MAP2K6: variants seen among roughly 807,000 people sequenced by gnomAD.
The protein encoded by MAP2K6 is mitogen-activated protein kinase kinase 6.
Under a neutral mutation model 53.7 loss-of-function variants are expected in MAP2K6, and 16 were observed. The observed-to-expected ratio is 0.30, with a 90% CI of 0.20 to 0.45. The LOEUF (loss-of-function observed/expected upper bound fraction) is 0.45, where lower values mean the gene tolerates loss of function less well. Ranked by LOEUF, MAP2K6 falls within the 20% of genes least tolerant of loss-of-function variation. The pLI is 1.00. For synonymous variants in MAP2K6, 132 were observed against 143.1 expected, an observed-to-expected ratio of 0.92 and a Z score of 0.55; for missense variants, 204 against 411.9, an observed-to-expected ratio of 0.50 and a Z score of 4.37.
intron 1 of MAP2K6, among the ~76,000 whole-genome samples, chr17:69,465,248 C>A (rs1171473278): frequency 6.6e-6 from 1 of 151,276 alleles, no homozygotes; most frequent in Non-Finnish European, 1.5e-5. Context: ...GTTGGGTTAA[C>A]TGAAATGACT....
chr17:69,496,472 G>A (rs1908956762), intron 1 of MAP2K6, among the ~76,000 whole-genome samples: 1 of 151,354 alleles, frequency 6.6e-6, no homozygotes, highest in Admixed American at 6.6e-5. Context: ...GGGTTCCAGC[G>A]ATTCTCCCGC....
Position 69,552,381 on chromosome 17 carries a change from A to C in MAP2K6, c.*10628A>C, listed in dbSNP as rs1202205251. ...AGTTTAAAATAAAAGAATGAATGCT[A>C]TTCAGTGGATTCCCTCATTGAGGCT... On this transcript the variant is annotated 3_prime_UTR_variant, in exon 12 of 12. Transcript: ENST00000590474. 6.6e-6 allele frequency: 1 copy of C among 152,220 alleles called. No individual in the cohort carries two copies. Among genetic ancestry groups the C allele is most frequent in the Non-Finnish European group, 1.5e-5 (1 of 68,048 alleles). The allele number at this position is 152,220 out of a possible 1,614,324, so 9.4% of individuals were successfully genotyped here. A position where few individuals can be genotyped will look rare whatever the true frequency, so the allele number is the denominator to read the frequency against.
chr17:69,462,289 C>T (rs576274142), intron 1 of MAP2K6, among the ~76,000 whole-genome samples: 2 of 152,188 alleles, frequency 1.3e-5, no homozygotes, highest in South Asian at 2.1e-4. Flanking sequence ...ATTGGTGGCA[C>T]GTACATTATT....
intron 2 of MAP2K6, among the ~76,000 whole-genome samples, chr17:69,510,812 T>C (rs925132583): frequency 1.1e-4 from 17 of 151,854 alleles, no homozygotes; most frequent in Non-Finnish European, 2.2e-4. Flanking sequence ...TTTTTTTTTT[T>C]CCCTGATACT....
intron 1 of MAP2K6, among the ~76,000 whole-genome samples, chr17:69,476,719 G>T (rs1908162984): frequency 6.6e-6 from 1 of 152,070 alleles, no homozygotes; most frequent in Non-Finnish European, 1.5e-5. Flanking sequence ...TCCTTTTTGG[G>T]GTGGAAGTGG....
Position 69,541,821 on chromosome 17 carries a change from A to G in MAP2K6, c.*68A>G. The G allele has an allele frequency of 8.9e-7, 1 of 1,123,446 alleles. No homozygotes were observed. The highest frequency in any genetic ancestry group is 1.3e-6 in the Non-Finnish European group (1 of 749,426). 69.6% of individuals were successfully genotyped at this position (1,123,446 alleles called of 1,614,324 possible). ...GGTTTCGGGGTGAAGCAAGTTCACT[A>G]CAGCATCAATAGAAAGTCATCTTTG... On this transcript the variant is annotated 3_prime_UTR_variant, in exon 12 of 12. Transcript: ENST00000590474.
chr17:69,523,994 C>T (rs1910631398), intron 8 of MAP2K6, among the ~76,000 whole-genome samples: 1 of 152,128 alleles, frequency 6.6e-6, no homozygotes, highest in African/African-American at 2.4e-5. Flanking sequence ...TAGCACCTTC[C>T]TGCTTAGTCC....
chr17:69,501,536 A>G (rs1426801075), intron 1 of MAP2K6, among the ~76,000 whole-genome samples: 1 of 152,092 alleles, frequency 6.6e-6, no homozygotes, highest in Non-Finnish European at 1.5e-5. Flanking sequence ...ATTTTGCTCC[A>G]GGCCAGGATT....
At chr17:69,448,982 A>G (rs1276405147) in intron 1 of MAP2K6, among the ~76,000 whole-genome samples, 3 of 152,206 alleles carry the variant, frequency 2.0e-5, no homozygotes, top group Non-Finnish European at 2.9e-5. Flanking sequence ...GTTAAGGGCA[A>G]AGGCCGGCAC....
intron 1 of MAP2K6, chr17:69,477,690 A>G (rs1908199776): frequency 1.3e-5 from 2 of 152,292 alleles, no homozygotes; most frequent in African/African-American, 4.8e-5. Flanking sequence ...ATCTAGTTGT[A>G]ATACTTTGGT....
intron 2 of MAP2K6, among the ~76,000 whole-genome samples, chr17:69,513,567 G>A (rs918794774): frequency 1.3e-5 from 2 of 152,114 alleles, no homozygotes; most frequent in Non-Finnish European, 2.9e-5. Context: ...AAACTTTTTT[G>A]TAAAAGGCCG....
intron 8 of MAP2K6, among the ~76,000 whole-genome samples, chr17:69,524,445 A>G (rs1401636239): frequency 6.6e-6 from 1 of 150,660 alleles, no homozygotes; most frequent in East Asian, 1.9e-4. Context: ...CGGCCACTAG[A>G]TTCTACCTGG....
intron 1 of MAP2K6, among the ~76,000 whole-genome samples, chr17:69,448,999 G>C (rs1051659350): frequency 1.3e-5 from 2 of 152,224 alleles, no homozygotes; most frequent in African/African-American, 4.8e-5. Flanking sequence ...GCACTCCCGG[G>C]TTACAGTCTT....
chr17:69,428,849 T>C (rs1305000880), intron 1 of MAP2K6, among the ~76,000 whole-genome samples: 1 of 130,922 alleles, frequency 7.6e-6, no homozygotes, highest in Non-Finnish European at 1.6e-5. Flanking sequence ...TGCCCTTTCT[T>C]CTGTTTTTGT....
chr17:69,429,039 GC>G (rs1906367525), intron 1 of MAP2K6, among the ~76,000 whole-genome samples: 2 of 151,750 alleles, frequency 1.3e-5, no homozygotes, highest in Admixed American at 1.3e-4. Context: ...GTTGTCACAG[GC>G]AGCTTTGATG....
intron 1 of MAP2K6, among the ~76,000 whole-genome samples, 159 bp downstream of exon 1, chr17:69,415,159 A>C (rs1598249020): frequency 1.3e-5 from 2 of 152,148 alleles, no homozygotes; most frequent in Admixed American, 1.3e-4. Flanking sequence ...TTTTGCAGAC[A>C]CAGAGAGTTC....
At chr17:69,536,586 TG>T (rs1229458302) in intron 11 of MAP2K6, among the ~76,000 whole-genome samples, 1 of 152,130 alleles carries the variant, frequency 6.6e-6, no homozygotes, top group Non-Finnish European at 1.5e-5. Flanking sequence ...AACAACTTTT[TG>T]GGGGGTAGCT....
At chr17:69,467,792 TAG>T (rs1259252053) in intron 1 of MAP2K6, among the ~76,000 whole-genome samples, 1 of 152,094 alleles carries the variant, frequency 6.6e-6, no homozygotes, top group African/African-American at 2.4e-5. Flanking sequence ...TTTTTTTTGT[TAG>T]AGTCTCACTC....
At chr17:69,470,407 A>G (rs1018052070) in intron 1 of MAP2K6, among the ~76,000 whole-genome samples, 1 of 152,166 alleles carries the variant, frequency 6.6e-6, no homozygotes, top group Non-Finnish European at 1.5e-5. Context: ...GGAATCCTTC[A>G]TCCAGGGAGG....
Sources: allele counts gnomAD v4.1 joint callset (sites outside exome capture counted in the v4.1 genomes callset), GRCh38; gene constraint gnomAD v4.1.1; transcripts MANE v1.5; gene names NCBI Gene and HGNC (gene_info 2026-07-23, HGNC 2026-07-21).